The following ILRUN variants were observed in gnomAD, a reference collection of about 807,000 sequenced individuals.
ILRUN encodes protein ILRUN.
Under a neutral mutation model 33.8 loss-of-function variants are expected in ILRUN, and 3 were observed. The observed-to-expected ratio is 0.09, with a 90% CI of 0.04 to 0.23. The LOEUF (loss-of-function observed/expected upper bound fraction) is 0.23, where lower values mean the gene tolerates loss of function less well. ILRUN is among the 10% of genes least tolerant of loss of function. The probability of loss-of-function intolerance (pLI) is 1.00; values close to 1 mark genes in which losing one functional copy is unlikely to be tolerated. For synonymous variants in ILRUN, 124 were observed against 138.9 expected, an observed-to-expected ratio of 0.89 and a Z score of 0.75; for missense variants, 210 against 375.1, an observed-to-expected ratio of 0.56 and a Z score of 3.64.
intron 3 of ILRUN, among the ~76,000 whole-genome samples, chr6:34,643,172 G>A (rs1232201767): frequency 1.3e-5 from 2 of 151,840 alleles, no homozygotes; most frequent in Non-Finnish European, 2.9e-5. Context: ...GGTGGTGAGC[G>A]CCTGTAATCC....
chr6:34,659,244 CACAG>C (rs1389318857), intron 1 of ILRUN, among the ~76,000 whole-genome samples: 2 of 152,202 alleles, frequency 1.3e-5, no homozygotes, highest in African/African-American at 4.8e-5. Context: ...GTTTCAACTG[CACAG>C]ACAATGAAGT....
chr6:34,642,294 T>C (rs1391664114), intron 3 of ILRUN, among the ~76,000 whole-genome samples: 4 of 152,202 alleles, frequency 2.6e-5, no homozygotes, highest in South Asian at 4.1e-4. Context: ...CAATGATTAA[T>C]AGCAGAAACA....
rs1174245644 is a variant in ILRUN at position 34,683,473 on chromosome 6, C to CATATATATACATATATAT, written c.158+12972_158+12973insATATATATGTATATATAT. Among the ~76,000 whole-genome samples, 27 of 97,812 alleles carry CATATATATACATATATAT rather than the reference C, an allele frequency of 2.8e-4. 1 individual carries two copies. The East Asian group carries it at 3.3e-3, about 12-fold the overall frequency. The allele number at this position is 97,812 out of a possible 152,430, so 64.2% of individuals were successfully genotyped here. On this transcript the variant is annotated intron_variant, in intron 1 of 4. Transcript: ENST00000374023. ...ATATACATATATATACATATATATA[C>CATATATATACATATATAT]ACATATATATATACATATATATATA...
intron 1 of ILRUN, among the ~76,000 whole-genome samples, chr6:34,682,055 T>C (rs1178065667): frequency 8.2e-5 from 11 of 134,768 alleles, no homozygotes; most frequent in Admixed American, 6.6e-4. Context: ...TTTTTTTTTT[T>C]CTAGAGACGG....
intron 3 of ILRUN, among the ~76,000 whole-genome samples, chr6:34,614,503 T>TATATATA (rs1554183836): frequency 3.3e-4 from 47 of 141,926 alleles, no homozygotes; most frequent in African/African-American, 1.2e-3. Context: ...ATATTATATT[T>TATATATA]TATATATATA....
intron 2 of ILRUN, among the ~76,000 whole-genome samples, chr6:34,652,414 C>A (rs1165744227): frequency 6.6e-6 from 1 of 152,208 alleles, no homozygotes; most frequent in Non-Finnish European, 1.5e-5. Context: ...GAGTCATCCA[C>A]AACATTGGGT....
intron 2 of ILRUN, among the ~76,000 whole-genome samples, chr6:34,653,491 T>G (rs1762711206): frequency 1.3e-5 from 2 of 152,306 alleles, no homozygotes; most frequent in South Asian, 4.1e-4. Context: ...CTCCCAAAGC[T>G]GGGATTACAG....
chr6:34,636,299 C>G (rs941823543), intron 3 of ILRUN, among the ~76,000 whole-genome samples: 8 of 151,998 alleles, frequency 5.3e-5, no homozygotes, highest in African/African-American at 1.7e-4. Context: ...AGTAGGCTCA[C>G]AACATTCTTT....
chr6:34,667,702 CAT>C (rs925599620), intron 1 of ILRUN, among the ~76,000 whole-genome samples: 2 of 152,166 alleles, frequency 1.3e-5, no homozygotes, highest in African/African-American at 4.8e-5. Context: ...CAATAGAAGA[CAT>C]AGCATCATCT....
chr6:34,642,141 C>T (rs2127356830), intron 3 of ILRUN, among the ~76,000 whole-genome samples: 1 of 152,098 alleles, frequency 6.6e-6, no homozygotes, highest in South Asian at 2.1e-4. Context: ...GGGATAATGC[C>T]CCAAAGAAAT....
In ILRUN at chr6:34,691,051, A is replaced by AT. The variant is rs557286071; in HGVS notation, c.158+5394dup. Among the ~76,000 whole-genome samples the AT allele has an allele frequency of 5.7e-3, 849 of 149,262 alleles. 2 individuals are homozygous for AT. Among genetic ancestry groups the AT allele is most frequent in the Non-Finnish European group, 9.3e-3 (621 of 67,072 alleles). ...AGGTGCCCGTCACCAGGCCTGGCTA[A>AT]TTTTTTTTTTGTATTTTTAGTAGAG... is the stretch of plus-strand genomic sequence containing the variant. On this transcript the variant is annotated intron_variant, in intron 1 of 4. Transcript: ENST00000374023.
intron 4 of ILRUN, among the ~76,000 whole-genome samples, chr6:34,594,571 T>C (rs927429895): frequency 6.6e-6 from 1 of 152,198 alleles, no homozygotes; most frequent in African/African-American, 2.4e-5. Context: ...TTCAGGTCCA[T>C]AGGGGCTGAG....
intron 1 of ILRUN, among the ~76,000 whole-genome samples, chr6:34,688,854 G>A (rs932816300): frequency 2.0e-5 from 3 of 151,938 alleles, no homozygotes; most frequent in African/African-American, 7.3e-5. Context: ...ACGTATCCAC[G>A]GGAGGCTGAG....
At position 34,651,350 on chromosome 6, in the gene ILRUN, T is replaced by C. The variant is rs145299138; in HGVS notation, c.313+3275A>G. 4.7e-3 allele frequency among the ~76,000 whole-genome samples: 721 copies of C among 152,068 alleles called. 9 individuals carry two copies. Among genetic ancestry groups the C allele is most frequent in the African/African-American group, 0.016 (684 of 41,470 alleles). ...TTTTAAACTGAGGTTACAAAGCAAATGCAGAGGGGAAAAGCAGTCAGGCCC... is the reference window on the plus strand; with the variant it reads ...TTTTAAACTGAGGTTACAAAGCAAACGCAGAGGGGAAAAGCAGTCAGGCCC... On this transcript the variant is annotated intron_variant, in intron 2 of 4. Coordinates refer to ENST00000374023, the MANE Select transcript of ILRUN (RefSeq NM_024294.4).
At chr6:34,644,668 T>C (rs568785204) in intron 3 of ILRUN, among the ~76,000 whole-genome samples, 5 of 152,182 alleles carry the variant, frequency 3.3e-5, no homozygotes, top group Non-Finnish European at 7.3e-5. Context: ...GCAAAACAAA[T>C]ACCTAATATA....
chr6:34,605,584 G>A (rs1582037574), intron 4 of ILRUN, among the ~76,000 whole-genome samples: 3 of 152,160 alleles, frequency 2.0e-5, no homozygotes, highest in Admixed American at 2.0e-4. Context: ...AGCCGAGATT[G>A]TGTCACTACA....
Position 34,588,371 on chromosome 6 carries a change from C to A in ILRUN, c.*2194G>T, listed in dbSNP as rs1761234595. 2.5e-6 allele frequency: 1 copy of A among 397,476 alleles called. No homozygotes were observed. Among genetic ancestry groups the A allele is most frequent in the East Asian group, 3.6e-5 (1 of 28,082 alleles). The allele number at this position is 397,476 out of a possible 1,614,324, so 24.6% of individuals were successfully genotyped here. A position where few individuals can be genotyped will look rare whatever the true frequency, so the allele number is the denominator to read the frequency against. Reference sequence around the variant, plus strand: ...CTGCTGGGAAACTGGGAAGGGGCACCCAGTGTTGGGCAGAAGAGGAAGTCA... The same window carrying A: ...CTGCTGGGAAACTGGGAAGGGGCACACAGTGTTGGGCAGAAGAGGAAGTCA... On this transcript the variant is annotated 3_prime_UTR_variant, in exon 5 of 5. Transcript: ENST00000374023.
At chr6:34,602,332 C>T (rs1229124280) in intron 4 of ILRUN, among the ~76,000 whole-genome samples, 3 of 152,154 alleles carry the variant, frequency 2.0e-5, no homozygotes, top group Admixed American at 6.5e-5. Flanking sequence ...GGTCTTATTG[C>T]TCTGTAAAGG....
At chr6:34,644,238 T>A (rs1378704172) in intron 3 of ILRUN, among the ~76,000 whole-genome samples, 1 of 152,190 alleles carries the variant, frequency 6.6e-6, no homozygotes, top group African/African-American at 2.4e-5. Flanking sequence ...GATTTTTTTT[T>A]ATTTTTAAGT....
Sources: gnomAD v4.1 joint callset for allele counts (sites outside exome capture counted in the v4.1 genomes callset) on GRCh38, gnomAD v4.1.1 for gene constraint, MANE v1.5 for transcripts, NCBI Gene and HGNC (gene_info 2026-07-23, HGNC 2026-07-21) for gene names.